Variants in TRPC3 observed in about 807,000 individuals in gnomAD.
The protein encoded by TRPC3 is short transient receptor potential channel 3.
In TRPC3, 54 loss-of-function variants were observed where a neutral mutation model predicts 90.9. The ratio of observed to expected loss-of-function variants is 0.59; its 90% CI spans 0.48 to 0.75. TRPC3 has a LOEUF of 0.75. Among genes scored for constraint, TRPC3 ranks in the 30% least tolerant of loss-of-function variants. The probability of loss-of-function intolerance (pLI) is 0.00; values close to 1 mark genes in which losing one functional copy is unlikely to be tolerated. For missense variants in TRPC3, 918 were observed against 1,194.5 expected (o/e 0.77, Z 3.41); for synonymous variants, 424 against 450.9 (o/e 0.94, Z 0.75).
At chr4:121,889,490 TCAA>T (rs201029724) in intron 10 of TRPC3, among the ~76,000 whole-genome samples, 5,666 of 152,222 alleles carry the variant, frequency 0.037, 144 homozygotes, top group Non-Finnish European at 0.056. Context: ...ACATCACTAA[TCAA>T]CAGAGAAATG....
chr4:121,892,101 A>G (rs1277945608), intron 10 of TRPC3, among the ~76,000 whole-genome samples: 1 of 152,188 alleles, frequency 6.6e-6, no homozygotes, highest in Admixed American at 6.6e-5. Context: ...AGGAAGGGGG[A>G]AAATGGTGTA....
rs1427271467 is a variant in TRPC3 at position 121,875,072 on chromosome 4, C to T, written c.*4664G>A. ...AAATATAGGAGAAAAGAGTTAATAT[C>T]TTAAAAAATAGTTCATACAAATTAA... On this transcript the variant is annotated 3_prime_UTR_variant, in exon 12 of 12. Transcript: ENST00000379645. 6.6e-6 allele frequency among the ~76,000 whole-genome samples: 1 copy of T among 151,822 alleles called. No homozygotes were observed. The highest frequency in any genetic ancestry group is 2.4e-5 in the African/African-American group (1 of 41,338).
At chr4:121,900,620 A>G (rs1467207304) in intron 9 of TRPC3, among the ~76,000 whole-genome samples, 1 of 152,222 alleles carries the variant, frequency 6.6e-6, no homozygotes, top group Admixed American at 6.5e-5. Flanking sequence ...TGTCTAGGTT[A>G]GCTGGAAAGA....
At chr4:121,894,991 T>C (rs1728470045) in intron 10 of TRPC3, among the ~76,000 whole-genome samples, 1 of 152,132 alleles carries the variant, frequency 6.6e-6, no homozygotes, top group Non-Finnish European at 1.5e-5. Context: ...GGAATAAAAT[T>C]AGACATCATA....
At chr4:121,933,785 T>G (rs189894327) in intron 1 of TRPC3, among the ~76,000 whole-genome samples, 9 of 152,214 alleles carry the variant, frequency 5.9e-5, no homozygotes, top group African/African-American at 2.2e-4. Flanking sequence ...ACCCTCCACC[T>G]TATGCGTTTC....
In TRPC3 at chr4:121,928,158, C is replaced by T. The variant is rs372230288; in HGVS notation, c.988-2952G>A. ...ATCTGTAGTAATACCTAAATAATGACTCATTACCTATAAAATTATAGTCTA... is the reference window on the plus strand; with the variant it reads ...ATCTGTAGTAATACCTAAATAATGATTCATTACCTATAAAATTATAGTCTA... On this transcript the variant is annotated intron_variant, in intron 2 of 11. Coordinates refer to ENST00000379645, the MANE Select transcript of TRPC3 (RefSeq NM_001130698.2). 2.5e-4 allele frequency among the ~76,000 whole-genome samples: 38 copies of T among 152,180 alleles called. No homozygotes were observed. In the South Asian group the frequency reaches 7.9e-3, roughly 32 times the overall value.
At chr4:121,937,230 A>G (rs1730161781) in intron 1 of TRPC3, among the ~76,000 whole-genome samples, 1 of 152,154 alleles carries the variant, frequency 6.6e-6, no homozygotes, top group Non-Finnish European at 1.5e-5. Flanking sequence ...TCACGGTTGG[A>G]CCCTGAAATA....
At chr4:121,922,218 G>A (rs868175048) in intron 3 of TRPC3, among the ~76,000 whole-genome samples, 7 of 152,060 alleles carry the variant, frequency 4.6e-5, no homozygotes, top group South Asian at 2.1e-4. Flanking sequence ...CACCGTGCCC[G>A]GCCATGAAGG....
chr4:121,921,163 G>A lies in TRPC3; in HGVS notation c.1176+3855C>T, dbSNP rs543895390. On this transcript the variant is annotated intron_variant, in intron 3 of 11. Transcript: ENST00000379645. ...GAAAGACCAGATCTCTGGGAATCCT[G>A]AGCCCAGTTAGAAGACAATAGACTC... Among the ~76,000 whole-genome samples the A allele has an allele frequency of 3.9e-5, 6 of 152,270 alleles. No individual in the cohort carries two copies. In the East Asian group the frequency reaches 9.7e-4, roughly 25 times the overall value.
intron 9 of TRPC3, among the ~76,000 whole-genome samples, chr4:121,900,774 T>C (rs6820068): frequency 0.059 from 8,948 of 152,326 alleles, 335 homozygotes; most frequent in South Asian, 0.15. Context: ...GCAAAATTTT[T>C]AAAAATGAAA....
rs1184608920 is a variant in TRPC3 at position 121,876,569 on chromosome 4, A to G, written c.*3167T>C. 1.3e-5 allele frequency among the ~76,000 whole-genome samples: 2 copies of G among 152,236 alleles called. No individual in the cohort carries two copies. The highest frequency in any genetic ancestry group is 4.8e-5 in the African/African-American group (2 of 41,466). On this transcript the variant is annotated 3_prime_UTR_variant, in exon 12 of 12. Transcript: ENST00000379645. ...AAAGCTGCTTTCACTTGGCTTGCAC[A>G]TTTGAAATATAAATATATTGACATA...
chr4:121,911,755 T>C (rs878947650), intron 5 of TRPC3, 122 bp downstream of exon 5: 27 of 1,016,862 alleles, frequency 2.7e-5, no homozygotes, highest in Non-Finnish European at 3.6e-5. Flanking sequence ...ATTTAGCTTA[T>C]CTTGCAACAG....
Position 121,951,311 on chromosome 4 carries a change from G to C in TRPC3, c.215+155C>G, listed in dbSNP as rs1730735541. Among the ~76,000 whole-genome samples, 1 of 151,938 alleles carries C rather than the reference G, an allele frequency of 6.6e-6. No individual in the cohort carries two copies. Among genetic ancestry groups the C allele is most frequent in the African/African-American group, 2.4e-5 (1 of 41,388 alleles). ...GGGGGCGAGCCTCCGGCCGAGGTCT[G>C]TCCCCTCCAAATCACTCCAAATCGA... On this transcript the variant is annotated intron_variant, in intron 1 of 11. Coordinates refer to ENST00000379645, the MANE Select transcript of TRPC3 (RefSeq NM_001130698.2). The surrounding 1 kb of genome is among the most constrained non-coding windows in gnomAD (Gnocchi z 4.4).
intron 10 of TRPC3, among the ~76,000 whole-genome samples, chr4:121,889,864 T>A (rs1382241072): frequency 1.3e-5 from 2 of 152,134 alleles, no homozygotes; most frequent in Non-Finnish European, 2.9e-5. Context: ...ACATCTGTAC[T>A]CCCATGTTTA....
rs187071290 is a variant in TRPC3 at position 121,936,845 on chromosome 4, T to C, written c.216-3803A>G. Reference sequence around the variant, plus strand: ...CTGGAAGAAAATAAATTTCTGTGTGTGTCTTTTTTTTAAGCCACCCATTCT... The same window carrying C: ...CTGGAAGAAAATAAATTTCTGTGTGCGTCTTTTTTTTAAGCCACCCATTCT... On this transcript the variant is annotated intron_variant, in intron 1 of 11. Coordinates refer to ENST00000379645, the MANE Select transcript of TRPC3 (RefSeq NM_001130698.2). Among the ~76,000 whole-genome samples the C allele has an allele frequency of 2.6e-3, 403 of 152,296 alleles. 2 individuals carry two copies. The Middle Eastern group carries it at 0.031, about 12-fold the overall frequency.
chr4:121,899,248 G>A lies in TRPC3; in HGVS notation c.2547+364C>T, dbSNP rs1207810233. Among the ~76,000 whole-genome samples, 3 of 152,076 alleles carry A rather than the reference G, an allele frequency of 2.0e-5. No individual in the cohort carries two copies. In the East Asian group the frequency reaches 5.8e-4, roughly 29 times the overall value. ...GAAAAAACAAGTTTTCCTGCCATGG[G>A]AGCATTATTCATTCTAACATACTCT... On this transcript the variant is annotated intron_variant, in intron 10 of 11. Transcript: ENST00000379645.
chr4:121,902,289 T>C (rs1366883758), intron 9 of TRPC3, among the ~76,000 whole-genome samples: 1 of 152,196 alleles, frequency 6.6e-6, no homozygotes, highest in East Asian at 1.9e-4. Context: ...ATCATGAAAA[T>C]TATCTTCTTT....
intron 2 of TRPC3, among the ~76,000 whole-genome samples, chr4:121,929,024 G>C (rs930741293): frequency 2.6e-5 from 4 of 152,290 alleles, no homozygotes; most frequent in Middle Eastern, 3.4e-3. Flanking sequence ...TCTCTGACAT[G>C]AATAATCCTA....
chr4:121,936,462 A>G (rs1730131837), intron 1 of TRPC3, among the ~76,000 whole-genome samples: 2 of 152,250 alleles, frequency 1.3e-5, no homozygotes, highest in African/African-American at 4.8e-5. Flanking sequence ...GCATTGGAGT[A>G]CCACTGACCC....
Sources: gnomAD v4.1 joint callset for allele counts (sites outside exome capture counted in the v4.1 genomes callset) on GRCh38, gnomAD v4.1.1 for gene constraint, Gnocchi (gnomAD v3.1) non-coding constraint, MANE v1.5 for transcripts, NCBI Gene and HGNC (gene_info 2026-07-23, HGNC 2026-07-21) for gene names.